The following CDH2 variants were observed in gnomAD, a reference collection of about 807,000 sequenced individuals.
CDH2 encodes cadherin 2, also known as cadherin-2.
In CDH2, 17 loss-of-function variants were observed where a neutral mutation model predicts 92.0. The ratio of observed to expected loss-of-function variants is 0.18; its 90% CI spans 0.13 to 0.28. The LOEUF (loss-of-function observed/expected upper bound fraction) is 0.28, where lower values mean the gene tolerates loss of function less well. Ranked by LOEUF, CDH2 falls within the 10% of genes least tolerant of loss-of-function variation. CDH2 has a pLI of 1.00. For synonymous variants in CDH2, 419 were observed against 415.9 expected (o/e 1.01, Z -0.09); for missense variants, 862 against 1,133.1 (o/e 0.76, Z 3.44).
intron 7 of CDH2, among the ~76,000 whole-genome samples, chr18:27,997,641 G>A (rs1421523915): frequency 6.6e-6 from 1 of 152,114 alleles, no homozygotes; most frequent in Non-Finnish European, 1.5e-5. Flanking sequence ...CGATGACCTT[G>A]GGAGACTGAG....
intron 2 of CDH2, among the ~76,000 whole-genome samples, chr18:28,144,291 A>T (rs923480614): frequency 1.3e-5 from 2 of 152,072 alleles, no homozygotes; most frequent in African/African-American, 4.8e-5. Flanking sequence ...CGCAAAGTAA[A>T]AATGACTGCC....
intron 2 of CDH2, among the ~76,000 whole-genome samples, chr18:28,118,019 C>CAGCAAAG (rs2015524401): frequency 1.3e-5 from 2 of 151,938 alleles, no homozygotes; most frequent in Non-Finnish European, 2.9e-5. Context: ...AGTGATGTTC[C>CAGCAAAG]ATCTGCATCC....
intron 1 of CDH2, among the ~76,000 whole-genome samples, chr18:28,176,253 G>C (rs894301232): frequency 5.9e-5 from 9 of 152,176 alleles, no homozygotes; most frequent in African/African-American, 2.2e-4. Context: ...CCGCGTAACG[G>C]AACTTCTCGC....
intron 2 of CDH2, among the ~76,000 whole-genome samples, chr18:28,073,260 A>G (rs1057162969): frequency 6.6e-6 from 1 of 152,178 alleles, no homozygotes; most frequent in Non-Finnish European, 1.5e-5. Flanking sequence ...CATGTTTTCA[A>G]TGTAGAGAAG....
chr18:28,133,081 C>G (rs536786820), intron 2 of CDH2, among the ~76,000 whole-genome samples: 9 of 152,340 alleles, frequency 5.9e-5, no homozygotes, highest in African/African-American at 2.2e-4. Context: ...CCTGTCTGAT[C>G]TGGTTCCTCA....
At chr18:28,175,630 C>A (rs930111895) in intron 1 of CDH2, among the ~76,000 whole-genome samples, 1 of 152,188 alleles carries the variant, frequency 6.6e-6, no homozygotes, top group Non-Finnish European at 1.5e-5. Context: ...CACTCACCCC[C>A]CGGCGGGCCG....
chr18:28,001,809 G>A (rs584936), intron 7 of CDH2, among the ~76,000 whole-genome samples: 72,209 of 152,080 alleles, frequency 0.47, 17,340 homozygotes, highest in Admixed American at 0.55. Context: ...TATTTTGTGT[G>A]AACAATTGCA....
chr18:27,989,187 A>G (rs1180065052), intron 10 of CDH2, among the ~76,000 whole-genome samples: 1 of 152,218 alleles, frequency 6.6e-6, no homozygotes, highest in African/African-American at 2.4e-5. Context: ...CACTGGGCCA[A>G]GCCTCAGATC....
chr18:28,012,748 A>AGAT (rs1266116037), intron 3 of CDH2, among the ~76,000 whole-genome samples: 7 of 152,198 alleles, frequency 4.6e-5, no homozygotes, highest in African/African-American at 1.7e-4. Context: ...AACAGTTAAT[A>AGAT]GATTAACAAA....
At chr18:27,994,832 G>T (rs2012529922) in intron 7 of CDH2, among the ~76,000 whole-genome samples, 1 of 152,062 alleles carries the variant, frequency 6.6e-6, no homozygotes. Flanking sequence ...GCCCACACTA[G>T]ATTCTAAGTC....
At chr18:28,021,911 T>C (rs1032997393) in intron 2 of CDH2, among the ~76,000 whole-genome samples, 3 of 152,024 alleles carry the variant, frequency 2.0e-5, no homozygotes, top group Non-Finnish European at 4.4e-5. Flanking sequence ...TTCAAAGGCA[T>C]TGAGAAAATA....
intron 2 of CDH2, among the ~76,000 whole-genome samples, chr18:28,136,902 T>C (rs2015872161): frequency 6.6e-6 from 1 of 152,182 alleles, no homozygotes; most frequent in Admixed American, 6.6e-5. Flanking sequence ...GGCTCAGGAA[T>C]CTGCATTTTA....
At chr18:28,036,528 A>AT in intron 2 of CDH2, 1 of 1,607,378 alleles carries the variant, frequency 6.2e-7, no homozygotes, top group Non-Finnish European at 8.5e-7. Flanking sequence ...AGATACACAC[A>AT]TAACGCCTTA....
chr18:28,070,245 T>C (rs2014590574), intron 2 of CDH2, among the ~76,000 whole-genome samples: 1 of 152,222 alleles, frequency 6.6e-6, no homozygotes, highest in Admixed American at 6.5e-5. Flanking sequence ...TTTCAACTAC[T>C]GTTATTCCAC....
chr18:28,053,028 T>C (rs1336121300), intron 2 of CDH2, among the ~76,000 whole-genome samples: 1 of 152,182 alleles, frequency 6.6e-6, no homozygotes, highest in Non-Finnish European at 1.5e-5. Flanking sequence ...GACATGCATG[T>C]GCACAGAGGG....
At chr18:28,160,481 G>T (rs376511688) in intron 1 of CDH2, among the ~76,000 whole-genome samples, 3 of 152,176 alleles carry the variant, frequency 2.0e-5, no homozygotes, top group Admixed American at 6.5e-5. Context: ...ACTAGCAAGG[G>T]TCTCACTTGG....
intron 2 of CDH2, among the ~76,000 whole-genome samples, chr18:28,125,629 G>T (rs2015664455): frequency 6.6e-6 from 1 of 152,022 alleles, no homozygotes; most frequent in Non-Finnish European, 1.5e-5. Context: ...AAAAAATTGG[G>T]TTAAAAACCC....
chr18:27,985,411 A>G (rs2012198457), intron 12 of CDH2, 117 bp downstream of exon 12: 1 of 848,000 alleles, frequency 1.2e-6, no homozygotes, highest in East Asian at 2.7e-5. Context: ...TTAAACTTTA[A>G]GTAGCTTTTA....
At chr18:28,043,125 G>A (rs541196272) in intron 2 of CDH2, among the ~76,000 whole-genome samples, 71 of 152,124 alleles carry the variant, frequency 4.7e-4, no homozygotes, top group South Asian at 8.3e-4. Flanking sequence ...GTCATAAAAC[G>A]GAACAAAATA....
Sources: gnomAD v4.1 joint callset for allele counts (sites outside exome capture counted in the v4.1 genomes callset) on GRCh38, gnomAD v4.1.1 for gene constraint, MANE v1.5 for transcripts, NCBI Gene and HGNC (gene_info 2026-07-23, HGNC 2026-07-21) for gene names.